Variants in STAG1 observed in about 807,000 individuals in gnomAD.
STAG1 encodes the protein cohesin subunit SA-1.
A neutral mutation model predicts 170.9 loss-of-function variants in STAG1; 26 were observed. The ratio of observed to expected loss-of-function variants is 0.15; its 90% CI spans 0.11 to 0.21. The LOEUF (loss-of-function observed/expected upper bound fraction) is 0.21. Among genes scored for constraint, STAG1 ranks in the 10% least tolerant of loss-of-function variants. The probability of loss-of-function intolerance (pLI) is 1.00; values close to 1 mark genes in which losing one functional copy is unlikely to be tolerated. For synonymous variants in STAG1, 514 were observed against 497.7 expected (o/e 1.03, Z -0.44); for missense variants, 964 against 1,509.5 (o/e 0.64, Z 5.99).
chr3:136,691,950 T>C (rs1229886887), intron 1 of STAG1, among the ~76,000 whole-genome samples: 2 of 152,164 alleles, frequency 1.3e-5, no homozygotes, highest in Admixed American at 6.5e-5. Context: ...AAATGAACTA[T>C]TGTCCTTCCC....
intron 21 of STAG1, among the ~76,000 whole-genome samples, chr3:136,404,118 C>T (rs1016134454): frequency 2.0e-5 from 3 of 152,154 alleles, no homozygotes; most frequent in East Asian, 1.9e-4. Context: ...TCAGTAACTT[C>T]GTCTTTCTGG....
intron 25 of STAG1, among the ~76,000 whole-genome samples, chr3:136,365,569 AG>A (rs1017197197): frequency 1.3e-5 from 2 of 152,202 alleles, no homozygotes; most frequent in African/African-American, 4.8e-5. Flanking sequence ...AGTGGGACCC[AG>A]GAACATGTAA....
At chr3:136,521,732 A>C (rs1280021361) in intron 6 of STAG1, among the ~76,000 whole-genome samples, 1 of 152,190 alleles carries the variant, frequency 6.6e-6, no homozygotes, top group African/African-American at 2.4e-5. Context: ...CAGTAAAAAA[A>C]ATTTTTTAAA....
At position 136,484,432 on chromosome 3, in the gene STAG1, C is replaced by G. The variant is rs1399049884; in HGVS notation, c.903-7020G>C. ...GACCCAATTGAGGAGGCAGTCTGCCCGTTCTCAGATCTCCAGCTGCGTGCT... is the reference window on the plus strand; with the variant it reads ...GACCCAATTGAGGAGGCAGTCTGCCGGTTCTCAGATCTCCAGCTGCGTGCT... On this transcript the variant is annotated intron_variant, in intron 9 of 33. Coordinates refer to ENST00000383202, the MANE Select transcript of STAG1 (RefSeq NM_005862.3). Among the ~76,000 whole-genome samples, 182 of 148,000 alleles carry G rather than the reference C, an allele frequency of 1.2e-3. 1 individual carries two copies. The highest frequency in any genetic ancestry group is 4.1e-3 in the African/African-American group (165 of 40,144).
At chr3:136,617,565 G>A (rs1257233780) in intron 3 of STAG1, among the ~76,000 whole-genome samples, 1 of 152,194 alleles carries the variant, frequency 6.6e-6, no homozygotes, top group Non-Finnish European at 1.5e-5. Context: ...GATTGACTTA[G>A]TCCTAGCTTA....
chr3:136,529,546 G>A (rs907668516), intron 6 of STAG1, among the ~76,000 whole-genome samples: 1 of 152,092 alleles, frequency 6.6e-6, no homozygotes, highest in African/African-American at 2.4e-5. Flanking sequence ...ACTATATTCA[G>A]CAAAACTATC....
chr3:136,734,108 C>CAAAAAAAAA (rs11456348), intron 1 of STAG1, among the ~76,000 whole-genome samples: 1 of 101,782 alleles, frequency 9.8e-6, no homozygotes. Context: ...GACTCCATCT[C>CAAAAAAAAA]AAAAAAAAAA....
intron 4 of STAG1, among the ~76,000 whole-genome samples, chr3:136,572,029 C>CA (rs1360604847): frequency 6.2e-4 from 94 of 151,580 alleles, no homozygotes; most frequent in African/African-American, 2.2e-3. Flanking sequence ...CTAAAAATAC[C>CA]AACAAAAAGA....
chr3:136,582,222 G>A (rs1937605985), intron 4 of STAG1, among the ~76,000 whole-genome samples: 1 of 149,158 alleles, frequency 6.7e-6, no homozygotes, highest in Non-Finnish European at 1.5e-5. Flanking sequence ...GGTGGGGGTG[G>A]GGGGTTAACA....
intron 5 of STAG1, among the ~76,000 whole-genome samples, chr3:136,565,160 G>C (rs1394018301): frequency 2.0e-5 from 3 of 150,584 alleles, no homozygotes; most frequent in Non-Finnish European, 4.4e-5. Flanking sequence ...AGAAGGGAAA[G>C]GGAAAGGAAA....
intron 32 of STAG1, among the ~76,000 whole-genome samples, 159 bp from the exon 33 acceptor site, chr3:136,338,609 T>G (rs1174235645): frequency 6.6e-6 from 1 of 152,250 alleles, no homozygotes; most frequent in Admixed American, 6.5e-5. Context: ...TGAAATAGAT[T>G]TTTTAAAAAC....
At chr3:136,651,301 A>G (rs1040944515) in intron 1 of STAG1, among the ~76,000 whole-genome samples, 49 of 151,460 alleles carry the variant, frequency 3.2e-4, no homozygotes, top group Admixed American at 3.1e-3. Context: ...GGGAAGTCAA[A>G]GCTGCAGTGA....
chr3:136,443,084 T>C (rs561307628), intron 15 of STAG1, among the ~76,000 whole-genome samples: 6 of 152,336 alleles, frequency 3.9e-5, no homozygotes, highest in African/African-American at 1.4e-4. Context: ...TAAAAACTTA[T>C]GTGGCATGGT....
intron 16 of STAG1, among the ~76,000 whole-genome samples, chr3:136,432,520 G>A (rs968303600): frequency 2.1e-5 from 3 of 144,742 alleles, no homozygotes; most frequent in African/African-American, 5.0e-5. Flanking sequence ...TTTTTGGGGG[G>A]GGGGGGGCAC....
rs140714252 is a variant in STAG1, at chr3:136,746,511, C to T, written c.-84+5684G>A. 6.2e-3 allele frequency among the ~76,000 whole-genome samples: 936 copies of T among 152,122 alleles called. 6 individuals are homozygous for T. The highest frequency in any genetic ancestry group is 0.017 in the Middle Eastern group (5 of 294). On this transcript the variant is annotated intron_variant, in intron 1 of 33. Coordinates refer to ENST00000383202, the MANE Select transcript of STAG1 (RefSeq NM_005862.3). ...CGGGTTGGACAAGCTTGCTTTAAAG[C>T]TTGATTATCCTTGGCTAACCTGTCT... is the stretch of plus-strand genomic sequence containing the variant.
At chr3:136,413,337 G>C (rs1458567811) in intron 21 of STAG1, among the ~76,000 whole-genome samples, 1 of 148,948 alleles carries the variant, frequency 6.7e-6, no homozygotes, top group Non-Finnish European at 1.5e-5. Flanking sequence ...CGGAAATCTG[G>C]GAAAATATTG....
intron 5 of STAG1, among the ~76,000 whole-genome samples, chr3:136,556,347 T>C (rs1219216340): frequency 6.6e-6 from 1 of 152,162 alleles, no homozygotes; most frequent in Non-Finnish European, 1.5e-5. Flanking sequence ...CCCACTGATA[T>C]ACAGCAGCAG....
intron 9 of STAG1, among the ~76,000 whole-genome samples, chr3:136,488,145 C>T (rs1023381342): frequency 2.0e-5 from 3 of 152,234 alleles, no homozygotes; most frequent in East Asian, 1.9e-4. Flanking sequence ...CTTTTTGAGA[C>T]GGAGTCTCAT....
chr3:136,510,629 G>A (rs1160605351), intron 7 of STAG1, among the ~76,000 whole-genome samples: 1 of 113,430 alleles, frequency 8.8e-6, no homozygotes, highest in Admixed American at 9.2e-5. Context: ...TTTTTTTTTT[G>A]AAGTGGAGTC....
Sources: allele counts gnomAD v4.1 joint callset (sites outside exome capture counted in the v4.1 genomes callset), GRCh38; gene constraint gnomAD v4.1.1; transcripts MANE v1.5; gene names NCBI Gene and HGNC (gene_info 2026-07-23, HGNC 2026-07-21).